ITGA1: variants seen among roughly 807,000 people sequenced by gnomAD.
The protein encoded by ITGA1 is integrin alpha-1.
A neutral mutation model predicts 145.9 loss-of-function variants in ITGA1; 85 were observed. The observed-to-expected ratio is 0.58, with a 90% CI of 0.49 to 0.70. The LOEUF (loss-of-function observed/expected upper bound fraction) is 0.70. Ranked by LOEUF, ITGA1 falls within the 30% of genes least tolerant of loss-of-function variation. The probability of loss-of-function intolerance (pLI) is 0.00; values close to 1 mark genes in which losing one functional copy is unlikely to be tolerated. For missense variants in ITGA1, 1,351 were observed against 1,418.7 expected (o/e 0.95, Z 0.77); for synonymous variants, 520 against 495.3 (o/e 1.05, Z -0.66).
intron 27 of ITGA1, among the ~76,000 whole-genome samples, chr5:52,945,458 T>G (rs1196585590): frequency 6.6e-6 from 1 of 152,198 alleles, no homozygotes; most frequent in Non-Finnish European, 1.5e-5. Flanking sequence ...TGTACATTTT[T>G]TAAAGTTTTC....
At chr5:52,896,295 T>C (rs1057454285) in intron 9 of ITGA1, among the ~76,000 whole-genome samples, 10 of 152,330 alleles carry the variant, frequency 6.6e-5, no homozygotes, top group South Asian at 2.1e-4. Flanking sequence ...CTGAAAATAA[T>C]GCAGGTTTCC....
intron 1 of ITGA1, among the ~76,000 whole-genome samples, chr5:52,842,754 C>A (rs1366317861): frequency 6.7e-6 from 1 of 149,356 alleles, no homozygotes; most frequent in Non-Finnish European, 1.5e-5. Flanking sequence ...GGCACGATCT[C>A]GGCTTACTGC....
intron 1 of ITGA1, chr5:52,801,341 C>G: frequency 7.3e-7 from 1 of 1,372,910 alleles, no homozygotes; most frequent in Non-Finnish European, 1.0e-6. Context: ...TGGCTTTAAG[C>G]CTTTGTGAGC....
intron 1 of ITGA1, among the ~76,000 whole-genome samples, chr5:52,824,127 C>A (rs1053240113): frequency 6.6e-6 from 1 of 151,828 alleles, no homozygotes; most frequent in African/African-American, 2.4e-5. Context: ...ATATAGTAAT[C>A]ATTAAATCAA....
At chr5:52,830,698 G>T (rs1251381328) in intron 1 of ITGA1, among the ~76,000 whole-genome samples, 2 of 152,140 alleles carry the variant, frequency 1.3e-5, no homozygotes, top group Non-Finnish European at 2.9e-5. Context: ...ATGTGGAATA[G>T]TAGTTGCACT....
At chr5:52,799,592 T>A (rs749602873) in intron 1 of ITGA1, among the ~76,000 whole-genome samples, 2 of 152,208 alleles carry the variant, frequency 1.3e-5, no homozygotes, top group African/African-American at 2.4e-5. Flanking sequence ...ACACGGTAAC[T>A]AGGCGCAGAA....
chr5:52,804,594 CCTGA>C (rs746416879), intron 1 of ITGA1, among the ~76,000 whole-genome samples: 4 of 152,036 alleles, frequency 2.6e-5, no homozygotes, highest in Non-Finnish European at 5.9e-5. Flanking sequence ...TTTCAGCTTC[CCTGA>C]CTAATTCTCT....
chr5:52,859,894 A>T (rs141320641), intron 2 of ITGA1, among the ~76,000 whole-genome samples: 1 of 152,320 alleles, frequency 6.6e-6, no homozygotes, highest in East Asian at 1.9e-4. Flanking sequence ...CAGGGCATCT[A>T]TTTCCAGCAC....
intron 15 of ITGA1, among the ~76,000 whole-genome samples, chr5:52,918,387 C>G (rs962071161): frequency 6.6e-6 from 1 of 152,094 alleles, no homozygotes; most frequent in East Asian, 1.9e-4. Flanking sequence ...GTTCAGGGAC[C>G]TTTAGACTTC....
rs138162192 is a variant in ITGA1, at chr5:52,865,716, A to C, written c.523A>C (p.Ile175Leu). ...QECSTQLDIV[I>L]VLDGSNSIYP... is the part of the protein sequence containing the mutation. The stretch of plus-strand genomic sequence containing the variant: ...ATGCAGCACTCAACTGGACATAGTC[A>C]TAGTGCTGGATGGTTCCAACAGTAT... The change falls in exon 6 of 29, where the codon ATA (isoleucine) becomes CTA (leucine). Residue 175 changes from isoleucine to leucine, a missense_variant. By Grantham distance (5) the Ile-to-Leu change is conservative. Coordinates refer to ENST00000282588, the MANE Select transcript of ITGA1 (RefSeq NM_181501.2). 1 of 1,576,572 alleles carries C rather than the reference A, an allele frequency of 6.3e-7. No homozygotes were observed.
At chr5:52,943,032 ACTT>A (rs1751077858) in intron 26 of ITGA1, among the ~76,000 whole-genome samples, 1 of 152,048 alleles carries the variant, frequency 6.6e-6, no homozygotes, top group Non-Finnish European at 1.5e-5. Flanking sequence ...AGATAGCTTG[ACTT>A]CTTCTATTCC....
chr5:52,910,296 A>G lies in ITGA1; in HGVS notation c.1734A>G (p.Val578=). The G allele has an allele frequency of 6.2e-7, 1 of 1,614,038 alleles. No homozygotes were observed. Among genetic ancestry groups the G allele is most frequent in the Non-Finnish European group, 8.5e-7 (1 of 1,179,946 alleles). The change falls in exon 14 of 29, where the codon GTA becomes GTG. Residue 578 remains valine, a synonymous_variant. Coordinates refer to ENST00000282588, the MANE Select transcript of ITGA1 (RefSeq NM_181501.2). ...GTTTTGGAACTGCAATTGCTGCTGT[A>G]AAAGACCTCAATCTTGATGGATTTA... ...GARFGTAIAA[V]KDLNLDGFND...
chr5:52,832,955 GC>G (rs998720987), intron 1 of ITGA1, among the ~76,000 whole-genome samples: 3 of 152,014 alleles, frequency 2.0e-5, no homozygotes, highest in Non-Finnish European at 4.4e-5. Context: ...ACTTTGGGAA[GC>G]CAAGGTGTGT....
At chr5:52,801,102 C>G in intron 1 of ITGA1, 1 of 1,604,882 alleles carries the variant, frequency 6.2e-7, no homozygotes, top group Non-Finnish European at 8.5e-7. Flanking sequence ...TCCTGGAAAA[C>G]CGGTCCAAAT....
chr5:52,910,043 C>T, intron 13 of ITGA1, 119 bp from the exon 14 acceptor site: 2 of 969,456 alleles, frequency 2.1e-6, no homozygotes, highest in Non-Finnish European at 3.1e-6. Context: ...GAAATTTTAC[C>T]AACTTTACCA....
At position 52,929,665 on chromosome 5, in the gene ITGA1, T is replaced by C; in HGVS notation, c.2735T>C (p.Leu912Pro). Residue 912 changes from leucine to proline, a missense_variant, in exon 21 of 29, where the codon CTC becomes CCC. Transcript: ENST00000282588. ...TTGTTTCAGTTTAACACATCCTATC[T>C]CATGGAAAATGTGACCATTTATTTA... is the stretch of plus-strand genomic sequence containing the variant. ...KILFQFNTSY[L>P]MENVTIYLSA... 6.3e-7 allele frequency: 1 copy of C among 1,591,486 alleles called. No individual in the cohort carries two copies. Among genetic ancestry groups the C allele is most frequent in the Non-Finnish European group, 8.6e-7 (1 of 1,162,440 alleles).
intron 27 of ITGA1, 127 bp from the exon 28 acceptor site, chr5:52,947,217 TA>T: frequency 1.7e-6 from 1 of 602,216 alleles, no homozygotes; most frequent in East Asian, 2.8e-5. Flanking sequence ...AATGTAAATC[TA>T]ATGTTTTCTC....
intron 6 of ITGA1, among the ~76,000 whole-genome samples, chr5:52,876,777 T>C (rs947788468): frequency 2.0e-5 from 3 of 152,132 alleles, no homozygotes; most frequent in Non-Finnish European, 2.9e-5. Context: ...TAGTGTGCAC[T>C]CAAACAGTTG....
chr5:52,919,674 T>G (rs1032150503), intron 16 of ITGA1, among the ~76,000 whole-genome samples: 8 of 152,308 alleles, frequency 5.3e-5, no homozygotes, highest in African/African-American at 1.9e-4. Context: ...CAATGAGGTA[T>G]AAGAACATAA....
Sources: gnomAD v4.1 joint callset for allele counts (sites outside exome capture counted in the v4.1 genomes callset) on GRCh38, gnomAD v4.1.1 for gene constraint, MANE v1.5 for transcripts, NCBI Gene and HGNC (gene_info 2026-07-23, HGNC 2026-07-21) for gene names.